CLIC5: variants seen among roughly 807,000 people sequenced by gnomAD.
The protein encoded by CLIC5 is CLIC family member 5.
In CLIC5, 20 loss-of-function variants were observed where a neutral mutation model predicts 24.7. That is an observed-to-expected ratio of 0.81 (90% CI 0.57 to 1.18). The LOEUF (loss-of-function observed/expected upper bound fraction) is 1.18. CLIC5 is among the 50% of genes most tolerant of loss of function. CLIC5 has a pLI of 0.00. For missense variants in CLIC5, 341 were observed against 326.1 expected (o/e 1.05, Z -0.35); for synonymous variants, 159 against 135.6 (o/e 1.17, Z -1.20).
intron 1 of CLIC5, among the ~76,000 whole-genome samples, chr6:46,076,715 A>G (rs72858632): frequency 2.0e-5 from 3 of 152,198 alleles, no homozygotes; most frequent in Admixed American, 6.5e-5. Context: ...GTTTTAGGTA[A>G]TTTGTTAGAG....
intron 4 of CLIC5, among the ~76,000 whole-genome samples, chr6:45,922,198 C>T (rs1423986081): frequency 6.6e-6 from 1 of 152,132 alleles, no homozygotes; most frequent in Non-Finnish European, 1.5e-5. Context: ...ATGACAAGCT[C>T]CTATAGTTCT....
At chr6:45,999,522 A>T (rs1319021675) in intron 1 of CLIC5, among the ~76,000 whole-genome samples, 1 of 152,012 alleles carries the variant, frequency 6.6e-6, no homozygotes, top group South Asian at 2.1e-4. Flanking sequence ...ACCCTTGCAA[A>T]ACACAAGTTT....
intron 1 of CLIC5, among the ~76,000 whole-genome samples, chr6:46,078,458 C>T (rs1581925054): frequency 6.6e-6 from 1 of 152,144 alleles, no homozygotes; most frequent in African/African-American, 2.4e-5. Flanking sequence ...CTAACATCAC[C>T]TCCTCCGTGG....
chr6:46,119,517 G>T, the CLIC5 span, among the ~76,000 whole-genome samples: 1 of 152,248 alleles, frequency 6.6e-6, no homozygotes, highest in African/African-American at 2.4e-5. Flanking sequence ...CGACGCAGAA[G>T]ATGGGTGATT....
At chr6:46,068,328 T>A (rs1447576621) in intron 1 of CLIC5, among the ~76,000 whole-genome samples, 1 of 152,282 alleles carries the variant, frequency 6.6e-6, no homozygotes, top group South Asian at 2.1e-4. Context: ...ACAAAGCTGA[T>A]ACAGAGGGCT....
intron 4 of CLIC5, among the ~76,000 whole-genome samples, chr6:45,933,905 G>A (rs1027411233): frequency 7.2e-5 from 11 of 152,206 alleles, no homozygotes; most frequent in Non-Finnish European, 1.5e-4. Flanking sequence ...ACAGCTCACA[G>A]GTGGGGGAAG....
chr6:46,090,425 T>G, the CLIC5 span, among the ~76,000 whole-genome samples: 1 of 151,864 alleles, frequency 6.6e-6, no homozygotes, highest in Admixed American at 6.6e-5. Context: ...TTTTTCCACT[T>G]CCCAATTATT....
chr6:46,029,969 C>G (rs936925492), intron 1 of CLIC5, among the ~76,000 whole-genome samples: 2 of 152,114 alleles, frequency 1.3e-5, no homozygotes, highest in Admixed American at 1.3e-4. Flanking sequence ...TGAAGTTACC[C>G]TGGGAGTTAT....
chr6:45,883,474 G>A (rs1762279996), intron 6 of CLIC5, among the ~76,000 whole-genome samples: 1 of 152,336 alleles, frequency 6.6e-6, no homozygotes, highest in Admixed American at 6.5e-5. Context: ...AGAAGGGCTT[G>A]AGCTGTGCTC....
chr6:45,960,688 C>G (rs557885930), intron 1 of CLIC5, among the ~76,000 whole-genome samples: 12 of 152,326 alleles, frequency 7.9e-5, no homozygotes, highest in African/African-American at 2.9e-4. Context: ...TGTGTCCACA[C>G]AGCTTGGTCA....
At chr6:46,088,352 C>G in the CLIC5 span, among the ~76,000 whole-genome samples, 1 of 152,090 alleles carries the variant, frequency 6.6e-6, no homozygotes, top group Non-Finnish European at 1.5e-5. Flanking sequence ...AATTATCTGT[C>G]CCTTCATACT....
intron 1 of CLIC5, among the ~76,000 whole-genome samples, chr6:45,994,424 A>G (rs572134624): frequency 5.7e-4 from 86 of 152,110 alleles, no homozygotes; most frequent in Non-Finnish European, 1.0e-3. Flanking sequence ...CTCACTCATA[A>G]GTGGGAGTTA....
chr6:45,946,002 G>T (rs895987205), intron 3 of CLIC5, among the ~76,000 whole-genome samples: 1 of 152,210 alleles, frequency 6.6e-6, no homozygotes, highest in Non-Finnish European at 1.5e-5. Context: ...ACCAGCTCTG[G>T]AAGAGTACTT....
chr6:46,123,619 A>G, the CLIC5 span, among the ~76,000 whole-genome samples: 1 of 152,210 alleles, frequency 6.6e-6, no homozygotes, highest in South Asian at 2.1e-4. Flanking sequence ...AGGGTATTCA[A>G]TTAGGAAAAG....
the CLIC5 span, among the ~76,000 whole-genome samples, chr6:46,107,038 A>G: frequency 6.6e-6 from 1 of 152,258 alleles, no homozygotes; most frequent in Non-Finnish European, 1.5e-5. Flanking sequence ...TAATTTATAA[A>G]TAAATGAGTG....
intron 1 of CLIC5, among the ~76,000 whole-genome samples, chr6:46,003,297 A>G (rs1014808096): frequency 5.3e-5 from 8 of 152,190 alleles, no homozygotes; most frequent in African/African-American, 1.9e-4. Context: ...TTTCTGTATC[A>G]TAAGCCACTT....
At chr6:45,905,537 T>C (rs1314050726) in intron 5 of CLIC5, among the ~76,000 whole-genome samples, 2 of 151,640 alleles carry the variant, frequency 1.3e-5, no homozygotes, top group African/African-American at 4.8e-5. Context: ...TTTTGAGAAG[T>C]GTCTGTTCAT....
At chr6:45,941,428 G>T in intron 4 of CLIC5, 119 bp downstream of exon 4, 1 of 793,328 alleles carries the variant, frequency 1.3e-6, no homozygotes, top group Non-Finnish European at 2.2e-6. Flanking sequence ...ATAATAAGCA[G>T]TATTGGTTCC....
chr6:45,894,745 T>A (rs1173602928), downstream of CLIC5, among the ~76,000 whole-genome samples: 3 of 152,112 alleles, frequency 2.0e-5, no homozygotes, highest in Non-Finnish European at 4.4e-5. Flanking sequence ...GATTATAAGG[T>A]GGGTCTTGAA....
Sources: gnomAD v4.1 joint callset for allele counts (sites outside exome capture counted in the v4.1 genomes callset) on GRCh38, gnomAD v4.1.1 for gene constraint, MANE v1.5 for transcripts, NCBI Gene and HGNC (gene_info 2026-07-23, HGNC 2026-07-21) for gene names.